The following PLXNC1 variants were observed in gnomAD, a reference collection of about 807,000 sequenced individuals.
The protein encoded by PLXNC1 is plexin-C1.
PLXNC1 carries 75 observed loss-of-function variants against 178.2 expected under a neutral mutation model. That is an observed-to-expected ratio of 0.42 (90% CI 0.35 to 0.51). The LOEUF (loss-of-function observed/expected upper bound fraction) is 0.51, where lower values mean the gene tolerates loss of function less well. Among genes scored for constraint, PLXNC1 ranks in the 20% least tolerant of loss-of-function variants. The probability of loss-of-function intolerance (pLI) is 0.02; values close to 1 mark genes in which losing one functional copy is unlikely to be tolerated. For missense variants in PLXNC1, 1,503 were observed against 1,984.4 expected (o/e 0.76, Z 4.61); for synonymous variants, 790 against 779.9 (o/e 1.01, Z -0.22).
intron 4 of PLXNC1, among the ~76,000 whole-genome samples, chr12:94,203,773 G>A (rs1963211504): frequency 6.6e-6 from 1 of 152,134 alleles, no homozygotes; most frequent in Admixed American, 6.5e-5. Flanking sequence ...CTGGCCTATG[G>A]GCACTAGGAA....
At position 94,169,297 on chromosome 12, in the gene PLXNC1, G is replaced by C; in HGVS notation, c.1203+4G>C. On this transcript the variant is annotated splice_donor_region_variant and intron_variant, in intron 2 of 30. Coordinates refer to ENST00000258526, the MANE Select transcript of PLXNC1 (RefSeq NM_005761.3). ...TGGAGATGGCCAGTTACTTAAGGTT[G>C]GTTTTCTGTGCCTTCTTCAAATGTC... is the stretch of plus-strand genomic sequence containing the variant. 1 of 1,612,288 alleles carries C rather than the reference G, an allele frequency of 6.2e-7. No homozygotes were observed. The highest frequency in any genetic ancestry group is 2.2e-5 in the East Asian group (1 of 44,854).
At chr12:94,285,922 G>A (rs180712950) in intron 23 of PLXNC1, among the ~76,000 whole-genome samples, 1 of 152,302 alleles carries the variant, frequency 6.6e-6, no homozygotes, top group Non-Finnish European at 1.5e-5. Flanking sequence ...CCACTGTGGG[G>A]CATGGGGTGG....
intron 4 of PLXNC1, among the ~76,000 whole-genome samples, chr12:94,192,937 A>G (rs10777585): frequency 0.75 from 113,208 of 151,950 alleles, 43,099 homozygotes; most frequent in East Asian, 0.97. Flanking sequence ...GTGTCATAAG[A>G]GCTAGCATGG....
At chr12:94,223,821 G>A (rs1353272237) in intron 6 of PLXNC1, among the ~76,000 whole-genome samples, 1 of 152,172 alleles carries the variant, frequency 6.6e-6, no homozygotes, top group African/African-American at 2.4e-5. Flanking sequence ...TTTTTCTGAA[G>A]GTGCAGGATT....
In PLXNC1 at chr12:94,297,207, A is replaced by C; in HGVS notation, c.3953A>C (p.Asp1318Ala). 3.7e-6 allele frequency: 6 copies of C among 1,614,038 alleles called. No homozygotes were observed. The highest frequency in any genetic ancestry group is 5.1e-6 in the Non-Finnish European group (6 of 1,179,976). ...NFTSDVEYSD[D>A]HCHLILPDSE... The stretch of plus-strand genomic sequence containing the variant: ...CATTCAGATGTGGAGTACTCGGATG[A>C]CCACTGCCATTTGGTGAGTTCAGGC... The change falls in exon 25 of 31, where the codon GAC becomes GCC. Residue 1318 changes from aspartate to alanine, a missense_variant. Around this residue, in one of 4 missense-constraint regions of PLXNC1, gnomAD observed 639 missense variants for 979.7 expected, o/e 0.65. Coordinates refer to ENST00000258526, the MANE Select transcript of PLXNC1 (RefSeq NM_005761.3).
rs1469096704 is a variant in PLXNC1 at position 94,224,212 on chromosome 12, C to T, written c.1703-16C>T. 3 of 1,465,410 alleles carry T rather than the reference C, an allele frequency of 2.0e-6. No homozygotes were observed. The highest frequency in any genetic ancestry group is 2.9e-6 in the Non-Finnish European group (3 of 1,045,142). The allele number at this position is 1,465,410 out of a possible 1,614,324, so 90.8% of individuals were successfully genotyped here. On this transcript the variant is annotated splice_polypyrimidine_tract_variant and intron_variant, in intron 6 of 30. Transcript: ENST00000258526. ...AGGACTCCACCGTAAATGACATTTT[C>T]CCCCCTTCCCTCCAGATGTTTCAGT...
At chr12:94,271,442 C>G (rs897028633) in intron 21 of PLXNC1, among the ~76,000 whole-genome samples, 1 of 152,180 alleles carries the variant, frequency 6.6e-6, no homozygotes, top group Admixed American at 6.5e-5. Context: ...TCCTCAATAC[C>G]CAAAACCACC....
In PLXNC1 at chr12:94,279,623, G is replaced by C; in HGVS notation, c.3749G>C (p.Gly1250Ala). ...TTAAGCAAAAATGGCTCTCCTTATG[G>C]ACTTCAGCTTAATGAAATTGGTCTT... is the stretch of plus-strand genomic sequence containing the variant. ...AFLSKNGSPY[G>A]LQLNEIGLEL... The change falls in exon 22 of 31, where the codon GGA becomes GCA. Residue 1250 changes from glycine (G) to alanine (A), a missense_variant. Around this residue, in one of 4 missense-constraint regions of PLXNC1, gnomAD observed 639 missense variants for 979.7 expected, o/e 0.65. Coordinates refer to ENST00000258526, the MANE Select transcript of PLXNC1 (RefSeq NM_005761.3). 6.2e-7 allele frequency: 1 copy of C among 1,614,210 alleles called. No individual in the cohort carries two copies. The highest frequency in any genetic ancestry group is 2.2e-5 in the East Asian group (1 of 44,890).
chr12:94,173,890 G>C (rs748409018), intron 2 of PLXNC1, among the ~76,000 whole-genome samples: 1 of 152,168 alleles, frequency 6.6e-6, no homozygotes, highest in Admixed American at 6.5e-5. Flanking sequence ...TCTGAGCTGC[G>C]CGTAGTCCAC....
chr12:94,273,025 T>C (rs994406158), intron 21 of PLXNC1, among the ~76,000 whole-genome samples: 1 of 152,026 alleles, frequency 6.6e-6, no homozygotes, highest in Non-Finnish European at 1.5e-5. Flanking sequence ...TAGTTATGAC[T>C]CCCACCGGCT....
At chr12:94,219,565 C>T (rs778399079) in intron 5 of PLXNC1, among the ~76,000 whole-genome samples, 5 of 152,038 alleles carry the variant, frequency 3.3e-5, no homozygotes, top group Non-Finnish European at 5.9e-5. Context: ...TACTCAAAAG[C>T]ACATTGTGTA....
chr12:94,265,881 G>T (rs1305213135), intron 21 of PLXNC1, among the ~76,000 whole-genome samples: 1 of 151,856 alleles, frequency 6.6e-6, no homozygotes, highest in Non-Finnish European at 1.5e-5. Context: ...AAGAAAGAAA[G>T]AAAGCCCAGT....
At chr12:94,238,853 C>T (rs1325229363) in intron 10 of PLXNC1, among the ~76,000 whole-genome samples, 2 of 152,082 alleles carry the variant, frequency 1.3e-5, no homozygotes, top group African/African-American at 4.8e-5. Flanking sequence ...GGTGGCTTGC[C>T]TGTGTTCTGC....
intron 2 of PLXNC1, among the ~76,000 whole-genome samples, chr12:94,171,137 C>T (rs1961827495): frequency 6.6e-6 from 1 of 152,200 alleles, no homozygotes; most frequent in African/African-American, 2.4e-5. Flanking sequence ...CTGGTTTTGC[C>T]TGTCCTGTGT....
chr12:94,260,380 C>A lies in PLXNC1; in HGVS notation c.3252-262C>A, dbSNP rs1964961684. Among the ~76,000 whole-genome samples, 1 of 152,000 alleles carries A rather than the reference C, an allele frequency of 6.6e-6. No homozygotes were observed. ...GCCCATAAATTCTTAATAAAAAAAG[C>A]AGAAGTGTTAATTTTTATTTTTAAA... On this transcript the variant is annotated intron_variant, in intron 19 of 30. Coordinates refer to ENST00000258526, the MANE Select transcript of PLXNC1 (RefSeq NM_005761.3). This position sits in a 1 kb window ranked among gnomAD's most constrained non-coding sequence, Gnocchi z 4.4.
intron 14 of PLXNC1, among the ~76,000 whole-genome samples, chr12:94,249,805 CAG>C (rs763803300): frequency 1.3e-5 from 2 of 151,916 alleles, no homozygotes; most frequent in Non-Finnish European, 2.9e-5. Context: ...TGGGGACAGA[CAG>C]AGAATAAAAC....
chr12:94,233,006 C>A (rs1964146184), intron 9 of PLXNC1, among the ~76,000 whole-genome samples: 1 of 152,148 alleles, frequency 6.6e-6, no homozygotes, highest in Non-Finnish European at 1.5e-5. Context: ...AAAAGTCAGT[C>A]TGGAAAGGAC....
rs2272335 is a variant in PLXNC1, at chr12:94,300,967, T to A, written c.4296T>A (p.Ile1432=). Residue 1432 remains isoleucine, a synonymous_variant, in exon 28 of 31, where the codon ATT becomes ATA. Coordinates refer to ENST00000258526, the MANE Select transcript of PLXNC1 (RefSeq NM_005761.3). ...AGAACCCTCAGTTTGTCTTTGACAT[T>A]AAGAAGACACCACATATAGACGGCT... The part of the protein sequence containing the change: ...ILKNPQFVFD[I]KKTPHIDGCL... The A allele has an allele frequency of 1.4e-5, 23 of 1,613,634 alleles. No individual in the cohort carries two copies. The highest frequency in any genetic ancestry group is 2.2e-5 in the East Asian group (1 of 44,870).
At chr12:94,238,575 G>A (rs1336804620) in intron 10 of PLXNC1, among the ~76,000 whole-genome samples, 1 of 151,838 alleles carries the variant, frequency 6.6e-6, no homozygotes, top group Non-Finnish European at 1.5e-5. Flanking sequence ...ATATAAGTTT[G>A]GGCTAATTTG....
Sources: gnomAD v4.1 joint callset for allele counts (sites outside exome capture counted in the v4.1 genomes callset) on GRCh38, gnomAD v4.1.1 for gene constraint, gnomAD v4.1.1 regional missense constraint, Gnocchi (gnomAD v3.1) non-coding constraint, MANE v1.5 for transcripts, NCBI Gene and HGNC (gene_info 2026-07-23, HGNC 2026-07-21) for gene names.